PPARA: variants seen among roughly 807,000 people sequenced by gnomAD.
The protein encoded by PPARA is peroxisome proliferator-activated receptor alpha.
In PPARA, 22 loss-of-function variants were observed where a neutral mutation model predicts 42.2. The ratio of observed to expected loss-of-function variants is 0.52; its 90% CI spans 0.37 to 0.74. PPARA has a LOEUF of 0.74. Ranked by LOEUF, PPARA falls within the 30% of genes least tolerant of loss-of-function variation. The pLI is 0.00. For synonymous variants in PPARA, 242 were observed against 239.3 expected (o/e 1.01, Z -0.10); for missense variants, 465 against 608.2 (o/e 0.76, Z 2.48).
intron 4 of PPARA, among the ~76,000 whole-genome samples, chr22:46,207,195 C>T (rs1321445372): frequency 1.3e-5 from 2 of 150,848 alleles, no homozygotes; most frequent in Non-Finnish European, 2.9e-5. Context: ...TGCACACCAG[C>T]CTGGGTGACA....
At chr22:46,215,082 C>T (rs549659853) in intron 4 of PPARA, 91 bp from the exon 5 acceptor site, 9 of 1,511,770 alleles carry the variant, frequency 6.0e-6, no homozygotes, top group African/African-American at 1.4e-5. Flanking sequence ...CACTAGAAGC[C>T]TCGTATGCGA....
intron 4 of PPARA, among the ~76,000 whole-genome samples, chr22:46,213,350 C>T (rs1369136660): frequency 3.3e-5 from 5 of 151,722 alleles, no homozygotes; most frequent in South Asian, 4.2e-4. Context: ...ATCTGTATAT[C>T]GTCCTTGCTG....
In PPARA at chr22:46,230,596, C is replaced by G. The variant is rs1935799168; in HGVS notation, c.712-1196C>G. On this transcript the variant is annotated intron_variant, in intron 7 of 8. Transcript: ENST00000407236. The surrounding 1 kb of genome is among the most constrained non-coding windows in gnomAD (Gnocchi z 5.0). ...TGGCTTCAAATAATATGGCCAGCCA[C>G]CTCTTCCACCACGAGATCTTCAGGA... 6.6e-6 allele frequency among the ~76,000 whole-genome samples: 1 copy of G among 152,160 alleles called. No homozygotes were observed. The highest frequency in any genetic ancestry group is 2.4e-5 in the African/African-American group (1 of 41,436).
intron 4 of PPARA, among the ~76,000 whole-genome samples, chr22:46,214,204 G>A (rs1934214256): frequency 6.6e-6 from 1 of 152,220 alleles, no homozygotes; most frequent in African/African-American, 2.4e-5. Flanking sequence ...GGGGCATGGG[G>A]AGTCCTGCAG....
chr22:46,172,417 T>A (rs918579180), intron 2 of PPARA, among the ~76,000 whole-genome samples: 62 of 149,918 alleles, frequency 4.1e-4, no homozygotes, highest in Admixed American at 3.5e-3. Context: ...TCACCTGAAG[T>A]CAGGAGTTGG....
At position 46,212,574 on chromosome 22, in the gene PPARA, C is replaced by T. The variant is rs1428942932; in HGVS notation, c.209-2599C>T. On this transcript the variant is annotated intron_variant, in intron 4 of 8. Transcript: ENST00000407236. This position sits in a 1 kb window ranked among gnomAD's most constrained non-coding sequence, Gnocchi z 4.2. ...TAGCAATATGCATTTAAGAGTCATC[C>T]ATGTCTTTCCATGGCTTGATATCTC... Among the ~76,000 whole-genome samples, 3 of 152,166 alleles carry T rather than the reference C, an allele frequency of 2.0e-5. No homozygotes were observed. The highest frequency in any genetic ancestry group is 2.4e-5 in the African/African-American group (1 of 41,444).
chr22:46,217,257 A>T (rs4253746), intron 5 of PPARA, among the ~76,000 whole-genome samples: 7,377 of 152,290 alleles, frequency 0.048, 485 homozygotes, highest in African/African-American at 0.16. Flanking sequence ...CGGGCCAAGC[A>T]GACCCACTGT....
chr22:46,198,411 C>T lies in PPARA; in HGVS notation c.28C>T (p.Pro10Ser), dbSNP rs1465283530. 6.2e-7 allele frequency: 1 copy of T among 1,613,884 alleles called. No individual in the cohort carries two copies. MVDTESPLC[P>S]LSPLEAGDLE... ...GGTGGACACGGAAAGCCCACTCTGCCCCCTCTCCCCACTCGAGGCCGGCGA... is the reference window on the plus strand; with the variant it reads ...GGTGGACACGGAAAGCCCACTCTGCTCCCTCTCCCCACTCGAGGCCGGCGA... Residue 10 changes from proline to serine, a missense_variant, in exon 4 of 9, where the codon CCC becomes TCC. Coordinates refer to ENST00000407236, the MANE Select transcript of PPARA (RefSeq NM_005036.6).
At position 46,198,934 on chromosome 22, in the gene PPARA, T is replaced by C. The variant is rs776202030; in HGVS notation, c.208+343T>C. Among the ~76,000 whole-genome samples, 54 of 152,112 alleles carry C rather than the reference T, an allele frequency of 3.6e-4. 1 individual carries two copies. The highest frequency in any genetic ancestry group is 3.7e-4 in the Non-Finnish European group (25 of 68,010). On this transcript the variant is annotated intron_variant, in intron 4 of 8. Transcript: ENST00000407236. ...TCGGCCTCCTAAAGTGCTGGGATTATAGGCGTGAGCCACCGCGCCCGGCCG... is the reference window on the plus strand; with the variant it reads ...TCGGCCTCCTAAAGTGCTGGGATTACAGGCGTGAGCCACCGCGCCCGGCCG...
chr22:46,166,096 G>C (rs1240825619), intron 2 of PPARA, among the ~76,000 whole-genome samples: 1 of 152,190 alleles, frequency 6.6e-6, no homozygotes, highest in African/African-American at 2.4e-5. Flanking sequence ...TATACACTGT[G>C]AGTGCTGTAT....
In PPARA at chr22:46,173,186, G is replaced by T. The variant is rs1234077245; in HGVS notation, c.-126-3567G>T. ...TTGCTTAAAGTCATGCTATCGGGTA[G>T]ATGTTGTGGCTGTTCTTTTCACTCT... On this transcript the variant is annotated intron_variant, in intron 2 of 8. Coordinates refer to ENST00000407236, the MANE Select transcript of PPARA (RefSeq NM_005036.6). This position sits in a 1 kb window ranked among gnomAD's most constrained non-coding sequence, Gnocchi z 4.3. 1.3e-5 allele frequency among the ~76,000 whole-genome samples: 2 copies of T among 152,230 alleles called. No individual in the cohort carries two copies. The highest frequency in any genetic ancestry group is 4.8e-5 in the African/African-American group (2 of 41,450).
rs978736124 is a variant in PPARA at position 46,204,865 on chromosome 22, T to C, written c.208+6274T>C. On this transcript the variant is annotated intron_variant, in intron 4 of 8. Transcript: ENST00000407236. The surrounding 1 kb of genome is among the most constrained non-coding windows in gnomAD (Gnocchi z 5.2). ...AAAAAAAAAAGAAAAAAGATTGTTT[T>C]GTTTGTTTTGTTTTGTTTTTGAGAT... Among the ~76,000 whole-genome samples the C allele has an allele frequency of 6.6e-6, 1 of 151,944 alleles. No homozygotes were observed. Among genetic ancestry groups the C allele is most frequent in the African/African-American group, 2.4e-5 (1 of 41,376 alleles).
Position 46,212,867 on chromosome 22 carries a change from G to T in PPARA, c.209-2306G>T, listed in dbSNP as rs1346072625. Among the ~76,000 whole-genome samples the T allele has an allele frequency of 6.6e-6, 1 of 152,088 alleles. No individual in the cohort carries two copies. The highest frequency in any genetic ancestry group is 2.4e-5 in the African/African-American group (1 of 41,410). ...AAAAATTAGCCGGGCGTGGTAATGG[G>T]CACCTGTAATCCCAGCTACTTGGAA... On this transcript the variant is annotated intron_variant, in intron 4 of 8. Coordinates refer to ENST00000407236, the MANE Select transcript of PPARA (RefSeq NM_005036.6). This position sits in a 1 kb window ranked among gnomAD's most constrained non-coding sequence, Gnocchi z 4.2.
intron 6 of PPARA, among the ~76,000 whole-genome samples, chr22:46,218,737 G>C (rs1424488727): frequency 6.6e-6 from 1 of 151,884 alleles, no homozygotes; most frequent in Admixed American, 6.6e-5. Context: ...GGGAGGCTGA[G>C]GCAGAAGAAT....
At chr22:46,198,654 CTCTCTT>C in intron 4 of PPARA, 63 bp downstream of exon 4, 2 of 1,014,860 alleles carry the variant, frequency 2.0e-6, no homozygotes, top group South Asian at 1.4e-5. Flanking sequence ...GAAAACTGTT[CTCTCTT>C]TTTTTTTTTT....
intron 2 of PPARA, chr22:46,164,791 G>C (rs1926793166): frequency 6.6e-6 from 1 of 152,184 alleles, no homozygotes; most frequent in Non-Finnish European, 1.5e-5. Context: ...TAATGAGAAA[G>C]TTATTATTTG....
intron 3 of PPARA, among the ~76,000 whole-genome samples, chr22:46,179,108 G>T (rs1238192049): frequency 6.6e-6 from 1 of 152,128 alleles, no homozygotes; most frequent in Non-Finnish European, 1.5e-5. Flanking sequence ...AAAGTCACCA[G>T]TCCTATCATG....
rs772003620 is a variant in PPARA at position 46,237,033 on chromosome 22, T to C, written c.*1653T>C. On this transcript the variant is annotated 3_prime_UTR_variant, in exon 9 of 9. Transcript: ENST00000407236. The surrounding 1 kb of genome is among the most constrained non-coding windows in gnomAD (Gnocchi z 6.7). ...GATAAATTGTCCTGTTGAGAATTTT[T>C]AGATCTGGACTGGAACTGCCAGGAC... 2 of 152,198 alleles carry C rather than the reference T, an allele frequency of 1.3e-5. No homozygotes were observed. Among genetic ancestry groups the C allele is most frequent in the Non-Finnish European group, 2.9e-5 (2 of 68,028 alleles). 9.4% of individuals were successfully genotyped at this position (152,198 alleles called of 1,614,324 possible). A position where few individuals can be genotyped will look rare whatever the true frequency, so the allele number is the denominator to read the frequency against.
Position 46,235,014 on chromosome 22 carries a change from G to C in PPARA, c.1160-119G>C. 7.2e-7 allele frequency: 1 copy of C among 1,386,826 alleles called. No individual in the cohort carries two copies. The highest frequency in any genetic ancestry group is 1.0e-6 in the Non-Finnish European group (1 of 981,052). The allele number at this position is 1,386,826 out of a possible 1,614,324, so 85.9% of individuals were successfully genotyped here. On this transcript the variant is annotated intron_variant, in intron 8 of 8. Coordinates refer to ENST00000407236, the MANE Select transcript of PPARA (RefSeq NM_005036.6). This position sits in a 1 kb window ranked among gnomAD's most constrained non-coding sequence, Gnocchi z 7.0. ...CCAGTCAAGTTGACAATATCTAAAG[G>C]CAGCTCAGTTTTTTTCTAAGAAAGG...
Sources: allele counts gnomAD v4.1 joint callset (sites outside exome capture counted in the v4.1 genomes callset), GRCh38; gene constraint gnomAD v4.1.1; non-coding constraint Gnocchi (gnomAD v3.1); transcripts MANE v1.5; gene names NCBI Gene and HGNC (gene_info 2026-07-23, HGNC 2026-07-21).